Variants in TTLL12 observed in about 807,000 individuals in gnomAD.
TTLL12 encodes the protein tubulin--tyrosine ligase-like protein 12.
A neutral mutation model predicts 79.6 loss-of-function variants in TTLL12; 77 were observed. That is an observed-to-expected ratio of 0.97 (90% CI 0.81 to 1.17). The LOEUF (loss-of-function observed/expected upper bound fraction) is 1.17, where lower values mean the gene tolerates loss of function less well. Among genes scored for constraint, TTLL12 ranks in the 50% most tolerant of loss-of-function variants. The probability of loss-of-function intolerance (pLI) is 0.00; values close to 1 mark genes in which losing one functional copy is unlikely to be tolerated. For synonymous variants in TTLL12, 437 were observed against 376.1 expected, an observed-to-expected ratio of 1.16 and a Z score of -1.87; for missense variants, 969 against 895.9, an observed-to-expected ratio of 1.08 and a Z score of -1.04.
At chr22:43,173,197 A>G (rs570497317) in intron 9 of TTLL12, among the ~76,000 whole-genome samples, 4 of 151,958 alleles carry the variant, frequency 2.6e-5, no homozygotes, top group Non-Finnish European at 4.4e-5. Context: ...TCCCCTCACT[A>G]TGAATCTTTA....
rs751699998 is a variant in TTLL12, at chr22:43,167,136, T to C, written c.*872A>G. 1.9e-6 allele frequency: 1 copy of C among 524,410 alleles called. No homozygotes were observed. The highest frequency in any genetic ancestry group is 3.9e-6 in the Non-Finnish European group (1 of 254,924). 32.5% of individuals were successfully genotyped at this position (524,410 alleles called of 1,614,324 possible). A position where few individuals can be genotyped will look rare whatever the true frequency, so the allele number is the denominator to read the frequency against. The stretch of plus-strand genomic sequence containing the variant: ...TGGTAGGTGGCATCTGACTTTAACC[T>C]GAAGTTCTCATTGGAATCCTTTTCT... On this transcript the variant is annotated 3_prime_UTR_variant, in exon 14 of 14. Coordinates refer to ENST00000216129, the MANE Select transcript of TTLL12 (RefSeq NM_015140.4).
At chr22:43,179,197 T>C in intron 5 of TTLL12, among the ~76,000 whole-genome samples, 1 of 152,148 alleles carries the variant, frequency 6.6e-6, no homozygotes, top group East Asian at 1.9e-4. Context: ...AAAGCACCTT[T>C]GTTATCAATA....
intron 6 of TTLL12, 91 bp from the exon 7 acceptor site, chr22:43,174,706 G>T: frequency 2.1e-6 from 2 of 943,782 alleles, no homozygotes; most frequent in African/African-American, 1.6e-5. Context: ...TCCCTTCCCT[G>T]TTTTGAAGCT....
chr22:43,172,620 A>G (rs1364825988), intron 9 of TTLL12, 66 bp from the exon 10 acceptor site: 1 of 1,590,450 alleles, frequency 6.3e-7, no homozygotes, highest in African/African-American at 1.3e-5. Flanking sequence ...CCGAGCACAC[A>G]AAGCCACGCA....
chr22:43,181,191 G>T (rs1340887318), intron 2 of TTLL12, among the ~76,000 whole-genome samples: 2 of 152,194 alleles, frequency 1.3e-5, no homozygotes, highest in African/African-American at 4.8e-5. Context: ...AGGGCAGCAG[G>T]GGTCTCTACC....
intron 11 of TTLL12, 130 bp downstream of exon 11, chr22:43,171,689 C>T: frequency 1.5e-6 from 1 of 682,322 alleles, no homozygotes. Context: ...CCTTCCATAG[C>T]AGGAACTCAG....
chr22:43,172,061 A>G (rs966411991), intron 10 of TTLL12, among the ~76,000 whole-genome samples, 161 bp from the exon 11 acceptor site: 27 of 152,198 alleles, frequency 1.8e-4, no homozygotes, highest in African/African-American at 6.3e-4. Flanking sequence ...TGGCTGGGGG[A>G]GCCCCACAGC....
In TTLL12 at chr22:43,174,377, A is replaced by C. The variant is rs1931848264; in HGVS notation, c.1061T>G (p.Val354Gly). ...YRKLSQERPG[V>G]LLNQFPCENL... is the part of the protein sequence containing the mutation. The stretch of plus-strand genomic sequence containing the variant: ...CTCGCAGGGGAACTGGTTCAGCAGC[A>C]CGCCTGGCCTCTCCTGGCTGAGTTT... The change falls in exon 8 of 14, where the codon GTG (valine) becomes GGG (glycine). Residue 354 changes from valine (V) to glycine (G), a missense_variant. Val to Gly is a moderately radical substitution (Grantham distance 109, BLOSUM62 -3). Transcript: ENST00000216129. The C allele has an allele frequency of 6.4e-7, 1 of 1,570,792 alleles. No individual in the cohort carries two copies. The highest frequency in any genetic ancestry group is 8.7e-7 in the Non-Finnish European group (1 of 1,153,936).
chr22:43,186,794 G>A (rs1932195965), intron 1 of TTLL12, 99 bp downstream of exon 1: 4 of 1,156,110 alleles, frequency 3.5e-6, no homozygotes, highest in Non-Finnish European at 4.3e-6. Flanking sequence ...GCTCACCGCG[G>A]CTCCCGCCGC....
Position 43,186,904 on chromosome 22 carries a change from G to A in TTLL12, c.166C>T (p.Leu56=). The A allele has an allele frequency of 7.5e-7, 1 of 1,331,328 alleles. No individual in the cohort carries two copies. The highest frequency in any genetic ancestry group is 1.8e-5 in the South Asian group (1 of 55,352). 82.5% of individuals were successfully genotyped at this position (1,331,328 alleles called of 1,614,324 possible). ...GCCCTTCCCCGCACCTCGTGCTCCAGCTTGTGCAGGAGGCGGCCCCAGTAA... is the reference window on the plus strand; with the variant it reads ...GCCCTTCCCCGCACCTCGTGCTCCAACTTGTGCAGGAGGCGGCCCCAGTAA... ...ERYWGRLLHK[L]EHEVFDAGEV... Residue 56 remains leucine, a synonymous_variant, in exon 1 of 14, where the codon CTG becomes TTG. Transcript: ENST00000216129.
chr22:43,186,197 C>CT (rs1251639981), intron 1 of TTLL12, among the ~76,000 whole-genome samples: 1 of 148,340 alleles, frequency 6.7e-6, no homozygotes, highest in East Asian at 1.9e-4. Context: ...ACACCCCCCC[C>CT]CCCGCCAGCC....
intron 1 of TTLL12, among the ~76,000 whole-genome samples, chr22:43,185,520 TG>T (rs1932161964): frequency 6.6e-6 from 1 of 152,072 alleles, no homozygotes; most frequent in Admixed American, 6.5e-5. Flanking sequence ...CCTTAACGGC[TG>T]GGGAAGGGTC....
At chr22:43,169,411 C>G in intron 12 of TTLL12, 89 bp downstream of exon 12, 2 of 1,170,582 alleles carry the variant, frequency 1.7e-6, no homozygotes, top group Non-Finnish European at 1.2e-6. Context: ...CCAGCCCATG[C>G]CAGCAGAGAG....
rs1569486193 is a variant in TTLL12 at position 43,179,900 on chromosome 22, T to C, written c.647A>G (p.Tyr216Cys). ...VPSFATAPFF[Y>C]MPQQVAYTLL... ...CGTGTAGGCCACCTGCTGCGGCATG[T>C]AGAAGAAGGGTGCCGTGGCGAAGCT... The change falls in exon 4 of 14, where the codon TAC (tyrosine) becomes TGC (cysteine). Residue 216 changes from tyrosine to cysteine, a missense_variant. By Grantham distance (194) the Tyr-to-Cys change is radical. Transcript: ENST00000216129. 6.2e-7 allele frequency: 1 copy of C among 1,611,068 alleles called. No homozygotes were observed. The highest frequency in any genetic ancestry group is 8.5e-7 in the Non-Finnish European group (1 of 1,179,866).
chr22:43,179,730 G>C lies in TTLL12; in HGVS notation c.729C>G (p.Ala243=), dbSNP rs774654967. The C allele has an allele frequency of 6.4e-7, 1 of 1,564,260 alleles. No homozygotes were observed. Among genetic ancestry groups the C allele is most frequent in the Non-Finnish European group, 8.7e-7 (1 of 1,153,792 alleles). ...GGATCAGGGGGTCCGTCTCTCCGTA[G>C]GCAAAGTCTCGGGTCACCTCCTCTG... The part of the protein sequence containing the change: ...DTGEEVTRDF[A]YGETDPLIRK... The change falls in exon 5 of 14, where the codon GCC becomes GCG. Residue 243 remains alanine (A), a synonymous_variant. Transcript: ENST00000216129.
rs545549483 is a variant in TTLL12 at position 43,180,897 on chromosome 22, C to G, written c.391G>C (p.Ala131Pro). The G allele has an allele frequency of 1.2e-6, 2 of 1,612,584 alleles. No individual in the cohort carries two copies. The highest frequency in any genetic ancestry group is 1.7e-5 in the Admixed American group (1 of 59,976). Residue 131 changes from alanine (A) to proline (P), a missense_variant, in exon 3 of 14, where the codon GCG becomes CCG. By Grantham distance (27) the Ala-to-Pro change is conservative. Coordinates refer to ENST00000216129, the MANE Select transcript of TTLL12 (RefSeq NM_015140.4). ...DHAWTCRVEHARQQLQQVPGL... is the reference protein window; with the variant it reads ...DHAWTCRVEHPRQQLQQVPGL... Reference sequence around the variant, plus strand: ...GGCACCTGCTGCAGCTGCTGGCGCGCGTGCTCCACACGGCACGTCCAGGCG... The same window carrying G: ...GGCACCTGCTGCAGCTGCTGGCGCGGGTGCTCCACACGGCACGTCCAGGCG...
rs1932207148 is a variant in TTLL12, at chr22:43,187,100, G to A, written c.-31C>T. 5 of 1,088,988 alleles carry A rather than the reference G, an allele frequency of 4.6e-6. No homozygotes were observed. The South Asian group carries it at 1.3e-4, about 29-fold the overall frequency. The allele number at this position is 1,088,988 out of a possible 1,614,324, so 67.5% of individuals were successfully genotyped here. On this transcript the variant is annotated 5_prime_UTR_variant, in exon 1 of 14. Transcript: ENST00000216129. ...CAGCACCCGCGCCGACTCCAGCGCC[G>A]CCACCGCCGCCGCCGCCCGCCGTCC...
At chr22:43,172,330 C>T (rs1370095329) in intron 10 of TTLL12, 73 bp downstream of exon 10, 1 of 1,569,816 alleles carries the variant, frequency 6.4e-7, no homozygotes, top group Non-Finnish European at 8.7e-7. Context: ...CCAAAAAGGG[C>T]CCATCACCCA....
At chr22:43,185,083 C>G (rs1259458656) in intron 1 of TTLL12, among the ~76,000 whole-genome samples, 1 of 151,574 alleles carries the variant, frequency 6.6e-6, no homozygotes, top group Non-Finnish European at 1.5e-5. Context: ...CAAAAATTAG[C>G]TGGGTGTGGT....
Sources: allele counts gnomAD v4.1 joint callset (sites outside exome capture counted in the v4.1 genomes callset), GRCh38; gene constraint gnomAD v4.1.1; transcripts MANE v1.5; gene names NCBI Gene and HGNC (gene_info 2026-07-23, HGNC 2026-07-21).